Variants in PLEKHA4 observed in about 807,000 individuals in gnomAD.
The protein encoded by PLEKHA4 is pleckstrin homology domain containing A4.
PLEKHA4 carries 73 observed loss-of-function variants against 94.7 expected under a neutral mutation model. That is an observed-to-expected ratio of 0.77 (90% CI 0.64 to 0.94). The LOEUF is 0.94. Among genes scored for constraint, PLEKHA4 ranks in the 40% least tolerant of loss-of-function variants. PLEKHA4 has a pLI of 0.00. For synonymous variants in PLEKHA4, 449 were observed against 437.1 expected, an observed-to-expected ratio of 1.03 and a Z score of -0.34; for missense variants, 1,049 against 1,054.1, an observed-to-expected ratio of 1.00 and a Z score of 0.07.
intron 16 of PLEKHA4, chr19:48,844,544 A>C (rs1020685400): frequency 1.0e-6 from 1 of 985,324 alleles, no homozygotes; most frequent in Non-Finnish European, 1.2e-6. Context: ...GATGGAGCCA[A>C]GCTTCTGAAA....
chr19:48,851,919 G>T (rs1470178327), intron 13 of PLEKHA4, among the ~76,000 whole-genome samples: 1 of 152,126 alleles, frequency 6.6e-6, no homozygotes. Flanking sequence ...ACTCCAGCCT[G>T]GGCGACAGAG....
In PLEKHA4 at chr19:48,848,919, A is replaced by G. The variant is rs542928348; in HGVS notation, c.1426-879T>C. Among the ~76,000 whole-genome samples, 15 of 152,140 alleles carry G rather than the reference A, an allele frequency of 9.9e-5. No individual in the cohort carries two copies. The East Asian group carries it at 1.4e-3, about 14-fold the overall frequency. On this transcript the variant is annotated intron_variant, in intron 13 of 19. Coordinates refer to ENST00000263265, the MANE Select transcript of PLEKHA4 (RefSeq NM_020904.3). ...GTCTGTTCTTTTTGTTTGTTTTTGG[A>G]GACAGTCCCTCCCTCTGTCACCCAG...
intron 16 of PLEKHA4, among the ~76,000 whole-genome samples, chr19:48,841,791 C>CA (rs1445318095): frequency 2.0e-5 from 3 of 151,978 alleles, no homozygotes; most frequent in Admixed American, 6.6e-5. Flanking sequence ...CCCATCTCTA[C>CA]AAAAAATAAA....
Position 48,861,636 on chromosome 19 carries a change from G to A in PLEKHA4, c.249C>T (p.Cys83=), listed in dbSNP as rs202109037. 3.1e-6 allele frequency: 5 copies of A among 1,614,210 alleles called. No homozygotes were observed. The highest frequency in any genetic ancestry group is 3.4e-6 in the Non-Finnish European group (4 of 1,180,028). ...KRRWFVLSGH[C]LFYYKDSREE... ...GCCACTGACCCTTGTAATAAAAGAGGCAATGGCCGGAGAGGACGAACCAGC... is the reference window on the plus strand; with the variant it reads ...GCCACTGACCCTTGTAATAAAAGAGACAATGGCCGGAGAGGACGAACCAGC... Residue 83 remains cysteine (C), a synonymous_variant, in exon 4 of 20, where the codon TGC becomes TGT. Coordinates refer to ENST00000263265, the MANE Select transcript of PLEKHA4 (RefSeq NM_020904.3).
intron 9 of PLEKHA4, among the ~76,000 whole-genome samples, chr19:48,855,787 T>C (rs2123066362): frequency 6.7e-6 from 1 of 150,182 alleles, no homozygotes; most frequent in East Asian, 2.0e-4. Context: ...AGACTCTGTC[T>C]CAAGAAAATA....
chr19:48,863,436 T>TTTG (rs956491614), intron 3 of PLEKHA4, among the ~76,000 whole-genome samples: 2 of 150,038 alleles, frequency 1.3e-5, no homozygotes, highest in African/African-American at 2.4e-5. Context: ...TTTTTTGTTT[T>TTTG]TTTTTTTTTT....
chr19:48,848,185 G>T (rs2036040592), intron 13 of PLEKHA4, 145 bp from the exon 14 acceptor site: 2 of 1,008,952 alleles, frequency 2.0e-6, no homozygotes, highest in South Asian at 1.6e-5. Context: ...TTATCCAGTT[G>T]AATTGAAAAA....
chr19:48,851,055 C>T (rs1174018841), intron 13 of PLEKHA4, among the ~76,000 whole-genome samples: 4 of 149,270 alleles, frequency 2.7e-5, no homozygotes, highest in African/African-American at 4.9e-5. Flanking sequence ...GGAGGAGAAT[C>T]GTTTGAACCT....
intron 13 of PLEKHA4, among the ~76,000 whole-genome samples, chr19:48,851,053 A>G (rs576376108): frequency 1.5e-4 from 23 of 152,158 alleles, no homozygotes; most frequent in African/African-American, 5.3e-4. Context: ...AGGGAGGAGA[A>G]TCGTTTGAAC....
intron 16 of PLEKHA4, 138 bp from the exon 17 acceptor site, chr19:48,841,448 G>C: frequency 1.1e-6 from 1 of 886,740 alleles, no homozygotes; most frequent in South Asian, 1.9e-5. Context: ...CCAACTTGGC[G>C]AAATACCATC....
chr19:48,855,594 A>G (rs1244168111), intron 9 of PLEKHA4, among the ~76,000 whole-genome samples: 1 of 146,544 alleles, frequency 6.8e-6, no homozygotes. Flanking sequence ...ACAGAGTGAG[A>G]TTTCGTCTCA....
intron 16 of PLEKHA4, among the ~76,000 whole-genome samples, chr19:48,842,143 CTTTTT>C (rs398059794): frequency 8.2e-6 from 1 of 121,440 alleles, no homozygotes; most frequent in Non-Finnish European, 1.7e-5. Flanking sequence ...AATTTATTTT[CTTTTT>C]TTTTTTTTTT....
intron 2 of PLEKHA4, among the ~76,000 whole-genome samples, chr19:48,866,096 G>A (rs1361538611): frequency 6.6e-6 from 1 of 151,502 alleles, no homozygotes; most frequent in Non-Finnish European, 1.5e-5. Flanking sequence ...TGTTCTTATT[G>A]CAGAGTTAAG....
rs1329410270 is a variant in PLEKHA4, at chr19:48,861,454, T to G, written c.313A>C (p.Asn105His). ...GCTCCCGGCCCATCTGGTCTAATAT[T>G]GTAGCTGGGGAGCAGGACGCTGCCT... is the stretch of plus-strand genomic sequence containing the variant. Reference protein sequence around the residue: ...VLGSVLLPSYNIRPDGPGAPR... With the variant: ...VLGSVLLPSYHIRPDGPGAPR... Residue 105 changes from asparagine (N) to histidine (H), a missense_variant, in exon 5 of 20, where the codon AAT becomes CAT. Physicochemically the swap from Asn to His is moderately conservative, Grantham distance 68. Transcript: ENST00000263265. 6.2e-7 allele frequency: 1 copy of G among 1,614,128 alleles called. No homozygotes were observed. Among genetic ancestry groups the G allele is most frequent in the Non-Finnish European group, 8.5e-7 (1 of 1,180,024 alleles).
intron 3 of PLEKHA4, 118 bp from the exon 4 acceptor site, chr19:48,861,810 G>T (rs2036653066): frequency 1.1e-6 from 1 of 918,062 alleles, no homozygotes; most frequent in African/African-American, 1.7e-5. Context: ...GAGGAGAACA[G>T]AGACATAAAG....
In PLEKHA4 at chr19:48,837,327, A is replaced by G. The variant is rs1370337328; in HGVS notation, c.2302T>C (p.Trp768Arg). The change falls in exon 20 of 20, where the codon TGG becomes CGG. Residue 768 changes from tryptophan (W) to arginine (R), a missense_variant. Trp to Arg is a moderately radical substitution (Grantham distance 101). Coordinates refer to ENST00000263265, the MANE Select transcript of PLEKHA4 (RefSeq NM_020904.3). The surrounding 1 kb of genome is among the most constrained non-coding windows in gnomAD (Gnocchi z 4.3). ...TGTAGCAGAGTGACTCGCAGAGGCC[A>G]TGCCCCCTCGTCTTGTGGCAGGACC... ...PPVLPQDEGA[W>R]PLRVTLLQSS... 1.2e-6 allele frequency: 2 copies of G among 1,613,796 alleles called. No homozygotes were observed. The highest frequency in any genetic ancestry group is 1.7e-6 in the Non-Finnish European group (2 of 1,180,018).
At chr19:48,842,429 G>A (rs1387619485) in intron 16 of PLEKHA4, among the ~76,000 whole-genome samples, 2 of 152,140 alleles carry the variant, frequency 1.3e-5, no homozygotes, top group Admixed American at 6.5e-5. Context: ...GATTACAGGC[G>A]TGAGCCACCG....
chr19:48,859,389 G>A (rs1244279164), intron 7 of PLEKHA4, 80 bp downstream of exon 7: 25 of 1,465,708 alleles, frequency 1.7e-5, no homozygotes, highest in Non-Finnish European at 1.6e-5. Flanking sequence ...CAAGCAGAAA[G>A]CGCTAAGGCC....
At chr19:48,848,402 C>T (rs943768978) in intron 13 of PLEKHA4, among the ~76,000 whole-genome samples, 16 of 148,902 alleles carry the variant, frequency 1.1e-4, no homozygotes, top group Non-Finnish European at 2.2e-4. Context: ...AGGAGAATGG[C>T]GTGAACCCGG....
Sources: allele counts gnomAD v4.1 joint callset (sites outside exome capture counted in the v4.1 genomes callset), GRCh38; gene constraint gnomAD v4.1.1; non-coding constraint Gnocchi (gnomAD v3.1); transcripts MANE v1.5; gene names NCBI Gene and HGNC (gene_info 2026-07-23, HGNC 2026-07-21).